Variants in RAPGEF4 observed in about 807,000 individuals in gnomAD.
RAPGEF4 encodes the protein RAP guanine-nucleotide-exchange factor (GEF) 4.
Under a neutral mutation model 147.9 loss-of-function variants are expected in RAPGEF4, and 66 were observed. The ratio of observed to expected loss-of-function variants is 0.45; its 90% CI spans 0.37 to 0.55. The LOEUF (loss-of-function observed/expected upper bound fraction) is 0.55. Ranked by LOEUF, RAPGEF4 falls within the 20% of genes least tolerant of loss-of-function variation. The pLI is 0.00. For missense variants in RAPGEF4, 1,071 were observed against 1,257.3 expected (o/e 0.85, Z 2.24); for synonymous variants, 419 against 442.7 (o/e 0.95, Z 0.67).
At chr2:172,761,473 A>C (rs531388137) in intron 1 of RAPGEF4, among the ~76,000 whole-genome samples, 1 of 152,100 alleles carries the variant, frequency 6.6e-6, no homozygotes, top group Non-Finnish European at 1.5e-5. Context: ...TGTGGGAAAA[A>C]AAAGAATTGT....
At chr2:172,836,493 TGG>T (rs1406138018) in intron 4 of RAPGEF4, among the ~76,000 whole-genome samples, 30 of 152,202 alleles carry the variant, frequency 2.0e-4, no homozygotes, top group Admixed American at 3.9e-4. Context: ...ACGCTCTGTT[TGG>T]GTGTTGCCTG....
intron 8 of RAPGEF4, among the ~76,000 whole-genome samples, chr2:172,961,768 TTCAG>T (rs1247441954): frequency 3.3e-5 from 5 of 152,232 alleles, no homozygotes; most frequent in Non-Finnish European, 7.3e-5. Flanking sequence ...GATCATTTCA[TTCAG>T]TCAGTCATTG....
At chr2:173,026,809 A>AT in intron 24 of RAPGEF4, 112 bp downstream of exon 24, 7 of 1,380,672 alleles carry the variant, frequency 5.1e-6, no homozygotes, top group South Asian at 2.9e-5. Context: ...CCACATGACC[A>AT]TTTTTTTGCA....
At chr2:173,024,075 CT>C (rs3835832) in intron 23 of RAPGEF4, among the ~76,000 whole-genome samples, 2,391 of 152,302 alleles carry the variant, frequency 0.016, 58 homozygotes, top group South Asian at 0.084. Flanking sequence ...AGATTTAAAA[CT>C]TTGGAATCAC....
At chr2:172,840,374 C>A (rs991803229) in intron 4 of RAPGEF4, among the ~76,000 whole-genome samples, 12 of 152,216 alleles carry the variant, frequency 7.9e-5, no homozygotes, top group Non-Finnish European at 1.6e-4. Flanking sequence ...GACAGATTAG[C>A]CAGATCAACC....
At chr2:172,748,620 G>A (rs1694988454) in intron 1 of RAPGEF4, among the ~76,000 whole-genome samples, 1 of 152,048 alleles carries the variant, frequency 6.6e-6, no homozygotes, top group African/African-American at 2.4e-5. Flanking sequence ...GATTTGGGTG[G>A]GGACACAGCC....
chr2:172,849,846 T>A (rs1692613606), intron 4 of RAPGEF4, among the ~76,000 whole-genome samples: 1 of 152,242 alleles, frequency 6.6e-6, no homozygotes, highest in Non-Finnish European at 1.5e-5. Context: ...AAGGTTATTC[T>A]TACTAAAATG....
chr2:172,903,956 T>C (rs1699355140), intron 4 of RAPGEF4, among the ~76,000 whole-genome samples: 1 of 152,110 alleles, frequency 6.6e-6, no homozygotes, highest in Non-Finnish European at 1.5e-5. Context: ...CATGCCACCC[T>C]TGGAGCAGTG....
In RAPGEF4 at chr2:173,052,427, A is replaced by C. The variant is rs549470275; in HGVS notation, c.*660A>C. On this transcript the variant is annotated 3_prime_UTR_variant, in exon 31 of 31. Coordinates refer to ENST00000397081, the MANE Select transcript of RAPGEF4 (RefSeq NM_007023.4). ...CAAAATTTACAAATCAGGATTATAT[A>C]CATAAGAATTCCACTAAGAAATGCC... 1 of 152,792 alleles carries C rather than the reference A, an allele frequency of 6.5e-6. No individual in the cohort carries two copies. Among genetic ancestry groups the C allele is most frequent in the Admixed American group, 6.5e-5 (1 of 15,314 alleles). 9.5% of individuals were successfully genotyped at this position (152,792 alleles called of 1,614,324 possible).
At chr2:172,747,263 G>C (rs1452104843) in intron 1 of RAPGEF4, among the ~76,000 whole-genome samples, 1 of 152,100 alleles carries the variant, frequency 6.6e-6, no homozygotes, top group Non-Finnish European at 1.5e-5. Context: ...TTGTTGCTTT[G>C]GTGTATGTAT....
chr2:172,793,869 C>T (rs567276375), intron 1 of RAPGEF4, among the ~76,000 whole-genome samples: 248 of 152,238 alleles, frequency 1.6e-3, no homozygotes, highest in Non-Finnish European at 2.7e-3. Flanking sequence ...GGCATGGTGG[C>T]TCATGCCTGT....
At chr2:172,806,512 T>C (rs538726521) in intron 3 of RAPGEF4, among the ~76,000 whole-genome samples, 25 of 152,350 alleles carry the variant, frequency 1.6e-4, no homozygotes, top group Admixed American at 1.4e-3. Context: ...GTACAAAGCC[T>C]GGGATAGAGG....
chr2:172,753,914 G>A (rs557878888), intron 1 of RAPGEF4, among the ~76,000 whole-genome samples: 18 of 151,224 alleles, frequency 1.2e-4, no homozygotes, highest in South Asian at 8.4e-4. Context: ...GACACACACC[G>A]CACACATATA....
intron 1 of RAPGEF4, among the ~76,000 whole-genome samples, chr2:172,782,554 G>A (rs759425932): frequency 5.3e-5 from 8 of 152,144 alleles, no homozygotes; most frequent in Non-Finnish European, 8.8e-5. Flanking sequence ...GGCAACAGTG[G>A]CAATTTTTTA....
chr2:172,983,938 A>C (rs1343623283), intron 11 of RAPGEF4, among the ~76,000 whole-genome samples: 1 of 152,140 alleles, frequency 6.6e-6, no homozygotes, highest in East Asian at 1.9e-4. Context: ...ATGCTGCCAG[A>C]GGGTGGAAAG....
At chr2:172,760,094 T>C (rs954406653) in intron 1 of RAPGEF4, among the ~76,000 whole-genome samples, 3 of 151,786 alleles carry the variant, frequency 2.0e-5, no homozygotes, top group African/African-American at 7.3e-5. Context: ...ACAAGGAAAA[T>C]AGAATCCCAG....
chr2:172,984,311 T>C (rs946797020), intron 11 of RAPGEF4, among the ~76,000 whole-genome samples: 2 of 152,176 alleles, frequency 1.3e-5, no homozygotes, highest in African/African-American at 4.8e-5. Flanking sequence ...AGATGCCTAG[T>C]TTGTTTTCAT....
chr2:172,769,498 A>G (rs1304079848), intron 1 of RAPGEF4, among the ~76,000 whole-genome samples: 22 of 152,272 alleles, frequency 1.4e-4, no homozygotes, highest in Non-Finnish European at 7.4e-5. Flanking sequence ...CTGGTTGACA[A>G]GATATCTGGG....
intron 17 of RAPGEF4, among the ~76,000 whole-genome samples, chr2:173,011,712 T>C (rs1031972829): frequency 6.6e-6 from 1 of 152,208 alleles, no homozygotes; most frequent in Non-Finnish European, 1.5e-5. Context: ...AATTAATAAT[T>C]AGTGAATCAA....
Sources: allele counts gnomAD v4.1 joint callset (sites outside exome capture counted in the v4.1 genomes callset), GRCh38; gene constraint gnomAD v4.1.1; transcripts MANE v1.5; gene names NCBI Gene and HGNC (gene_info 2026-07-23, HGNC 2026-07-21).